CDK17: variants seen among roughly 807,000 people sequenced by gnomAD.
The protein encoded by CDK17 is cyclin dependent kinase 17, also known as cyclin-dependent kinase 17.
In CDK17, 24 loss-of-function variants were observed where a neutral mutation model predicts 77.6. The observed-to-expected ratio is 0.31, with a 90% CI of 0.22 to 0.44. CDK17 has a LOEUF of 0.44. Ranked by LOEUF, CDK17 falls within the 20% of genes least tolerant of loss-of-function variation. The pLI is 1.00. For synonymous variants in CDK17, 203 were observed against 210.4 expected (o/e 0.96, Z 0.30); for missense variants, 429 against 622.5 (o/e 0.69, Z 3.31).
chr12:96,294,697 T>C (rs1293131021), intron 10 of CDK17, among the ~76,000 whole-genome samples: 1 of 149,712 alleles, frequency 6.7e-6, no homozygotes. Flanking sequence ...CACAGTGAAA[T>C]AGGCAAATAA....
Position 96,353,998 on chromosome 12 carries a change from GA to G in CDK17, c.-29-19134del, listed in dbSNP as rs375148268. 1.1e-3 allele frequency among the ~76,000 whole-genome samples: 173 copies of G among 152,246 alleles called. 3 individuals carry two copies. The highest frequency in any genetic ancestry group is 4.1e-3 in the African/African-American group (169 of 41,536). On this transcript the variant is annotated intron_variant, in intron 1 of 16. Coordinates refer to ENST00000261211, the MANE Select transcript of CDK17 (RefSeq NM_002595.5). ...CAGAAAGGGTATGTGTAATAAGAGG[GA>G]AGGTCAGAAACTTGACGAATACTTA...
intron 1 of CDK17, among the ~76,000 whole-genome samples, chr12:96,391,280 T>G (rs980239792): frequency 7.4e-6 from 1 of 134,372 alleles, no homozygotes; most frequent in African/African-American, 2.8e-5. Flanking sequence ...GTTGTTTTGT[T>G]TTTGATTTTT....
chr12:96,297,125 A>G (rs1307690041), intron 9 of CDK17, 145 bp downstream of exon 9: 1 of 533,086 alleles, frequency 1.9e-6, no homozygotes, highest in African/African-American at 1.9e-5. Flanking sequence ...CTGGGTAAAT[A>G]TTGCACGTTC....
At chr12:96,360,232 C>T (rs767768050) in intron 1 of CDK17, among the ~76,000 whole-genome samples, 4 of 152,116 alleles carry the variant, frequency 2.6e-5, no homozygotes, top group African/African-American at 7.2e-5. Flanking sequence ...GAAGAAAGTA[C>T]ATTGAAGGAA....
intron 1 of CDK17, among the ~76,000 whole-genome samples, chr12:96,369,844 G>A (rs773667916): frequency 3.3e-5 from 5 of 152,156 alleles, no homozygotes; most frequent in African/African-American, 4.8e-5. Flanking sequence ...ACTTTGAGAG[G>A]CTGAGGTGGG....
intron 1 of CDK17, among the ~76,000 whole-genome samples, chr12:96,342,922 A>C (rs1953143171): frequency 6.6e-6 from 1 of 152,040 alleles, no homozygotes. Context: ...AGATTGTGCC[A>C]TTGCACTCCA....
rs1039955502 is a variant in CDK17 at position 96,297,563 on chromosome 12, A to G, written c.810+64T>C. 5 of 1,116,980 alleles carry G rather than the reference A, an allele frequency of 4.5e-6. No individual in the cohort carries two copies. In the South Asian group the frequency reaches 5.4e-5, roughly 12 times the overall value. The allele number at this position is 1,116,980 out of a possible 1,614,324, so 69.2% of individuals were successfully genotyped here. A position where few individuals can be genotyped will look rare whatever the true frequency, so the allele number is the denominator to read the frequency against. On this transcript the variant is annotated intron_variant, in intron 8 of 16. Transcript: ENST00000261211. ...TTAAAGAAAAATAAAAAACAAACTA[A>G]AAGTCCAATTTACTATGTTTTTCTA...
chr12:96,311,288 T>C (rs1216009311), intron 4 of CDK17, 111 bp from the exon 5 acceptor site: 4 of 923,890 alleles, frequency 4.3e-6, no homozygotes, highest in Middle Eastern at 6.8e-4. Flanking sequence ...AAAGTTTTAT[T>C]GCAGTTGCAA....
chr12:96,294,742 A>G (rs766269766), intron 10 of CDK17, among the ~76,000 whole-genome samples: 1 of 152,124 alleles, frequency 6.6e-6, no homozygotes, highest in African/African-American at 2.4e-5. Flanking sequence ...ATTTACATTT[A>G]GAGGCCTCCT....
intron 1 of CDK17, among the ~76,000 whole-genome samples, chr12:96,377,455 G>A (rs1169144999): frequency 6.6e-6 from 1 of 151,984 alleles, no homozygotes; most frequent in Non-Finnish European, 1.5e-5. Flanking sequence ...AGAATTCAAA[G>A]AAGGGAAAAA....
chr12:96,315,212 TA>T (rs1182445847), intron 3 of CDK17, among the ~76,000 whole-genome samples: 1 of 152,212 alleles, frequency 6.6e-6, no homozygotes, highest in Non-Finnish European at 1.5e-5. Flanking sequence ...TATTTACATA[TA>T]AAATCATGAG....
intron 1 of CDK17, among the ~76,000 whole-genome samples, chr12:96,388,691 G>C (rs1218016526): frequency 6.6e-6 from 1 of 152,140 alleles, no homozygotes; most frequent in Non-Finnish European, 1.5e-5. Context: ...GTGTTGGGCT[G>C]TTCTTACATT....
intron 3 of CDK17, among the ~76,000 whole-genome samples, chr12:96,318,259 TA>T (rs1262685565): frequency 6.6e-6 from 1 of 151,944 alleles, no homozygotes; most frequent in African/African-American, 2.4e-5. Flanking sequence ...CTATCCTAAA[TA>T]TATATGCACC....
chr12:96,292,015 AAG>A (rs763056884), intron 10 of CDK17, among the ~76,000 whole-genome samples: 1 of 152,136 alleles, frequency 6.6e-6, no homozygotes, highest in East Asian at 1.9e-4. Flanking sequence ...AGAAAGAAAA[AAG>A]AGAGAGAGAG....
chr12:96,385,609 GTAAC>G (rs1381440485), intron 1 of CDK17, among the ~76,000 whole-genome samples: 4 of 151,750 alleles, frequency 2.6e-5, no homozygotes, highest in Admixed American at 6.6e-5. Context: ...AACACTAAAA[GTAAC>G]AGCCACAATT....
At chr12:96,335,045 G>T in intron 1 of CDK17, 180 bp from the exon 2 acceptor site, 1 of 649,978 alleles carries the variant, frequency 1.5e-6, no homozygotes, top group Non-Finnish European at 2.8e-6. Flanking sequence ...GAATAATGCT[G>T]TATTTATTTG....
intron 1 of CDK17, among the ~76,000 whole-genome samples, chr12:96,353,075 T>C (rs1434437899): frequency 6.6e-6 from 1 of 152,230 alleles, no homozygotes; most frequent in Non-Finnish European, 1.5e-5. Flanking sequence ...AGACTTCATA[T>C]ACTAATAAGT....
At chr12:96,337,919 T>C (rs1418381828) in intron 1 of CDK17, among the ~76,000 whole-genome samples, 5 of 152,328 alleles carry the variant, frequency 3.3e-5, no homozygotes, top group Admixed American at 6.5e-5. Context: ...TCCTGGGAGA[T>C]AACCTCCGAG....
rs12298148 is a variant in CDK17, at chr12:96,399,701, G to T, written c.-30+285C>A. Among the ~76,000 whole-genome samples, 549 of 152,256 alleles carry T rather than the reference G, an allele frequency of 3.6e-3. 5 individuals are homozygous for T. Among genetic ancestry groups the T allele is most frequent in the African/African-American group, 0.012 (513 of 41,562 alleles). ...GCGGCAGCGAGCACCGGAGGCGGCG[G>T]CGTCTATATCTGTCGGCGCCTCCTG... On this transcript the variant is annotated intron_variant, in intron 1 of 16. Transcript: ENST00000261211.
Sources: allele counts gnomAD v4.1 joint callset (sites outside exome capture counted in the v4.1 genomes callset), GRCh38; gene constraint gnomAD v4.1.1; transcripts MANE v1.5; gene names NCBI Gene and HGNC (gene_info 2026-07-23, HGNC 2026-07-21).